EBF1: variants seen among roughly 807,000 people sequenced by gnomAD.
The protein encoded by EBF1 is transcription factor COE1.
Under a neutral mutation model 68.4 loss-of-function variants are expected in EBF1, and 10 were observed. That is an observed-to-expected ratio of 0.15 (90% CI 0.09 to 0.25). EBF1 has a LOEUF of 0.25. Ranked by LOEUF, EBF1 falls within the 10% of genes least tolerant of loss-of-function variation. The pLI is 1.00. For synonymous variants in EBF1, 298 were observed against 299.8 expected (o/e 0.99, Z 0.06); for missense variants, 509 against 794.4 (o/e 0.64, Z 4.32).
At chr5:159,031,264 G>C (rs946227653) in intron 6 of EBF1, among the ~76,000 whole-genome samples, 2 of 152,226 alleles carry the variant, frequency 1.3e-5, no homozygotes, top group Non-Finnish European at 2.9e-5. Context: ...ATTTGGAGCT[G>C]TCGGAATTTA....
At chr5:158,773,749 T>C (rs1581755322) in intron 10 of EBF1, among the ~76,000 whole-genome samples, 1 of 151,880 alleles carries the variant, frequency 6.6e-6, no homozygotes, top group South Asian at 2.1e-4. Flanking sequence ...TGCCTAAGAG[T>C]CTTTTATTAG....
At chr5:158,968,745 T>G (rs530262775) in intron 6 of EBF1, among the ~76,000 whole-genome samples, 1 of 152,292 alleles carries the variant, frequency 6.6e-6, no homozygotes, top group African/African-American at 2.4e-5. Flanking sequence ...ACTTCAAAAA[T>G]CATTTTTGAA....
At chr5:158,946,835 C>G (rs1814843839) in intron 6 of EBF1, among the ~76,000 whole-genome samples, 1 of 152,190 alleles carries the variant, frequency 6.6e-6, no homozygotes, top group Non-Finnish European at 1.5e-5. Context: ...GAAGTTTTAT[C>G]TATAAGCCCC....
At position 159,006,999 on chromosome 5, in the gene EBF1, G is replaced by A. The variant is rs553780744; in HGVS notation, c.554+66397C>T. On this transcript the variant is annotated intron_variant, in intron 6 of 15. Coordinates refer to ENST00000313708, the MANE Select transcript of EBF1 (RefSeq NM_024007.5). ...TAATGCAACACTTAACAAAGGCAAT[G>A]TCAGAAATGTACCGTTGGTGGGGGC... Among the ~76,000 whole-genome samples the A allele has an allele frequency of 3.3e-5, 5 of 152,322 alleles. No individual in the cohort carries two copies. In the South Asian group the frequency reaches 1.0e-3, roughly 32 times the overall value.
At chr5:158,965,682 G>A (rs1339040262) in intron 6 of EBF1, among the ~76,000 whole-genome samples, 2 of 152,192 alleles carry the variant, frequency 1.3e-5, no homozygotes, top group Admixed American at 1.3e-4. Flanking sequence ...TGACATAAAT[G>A]TTATAAAATG....
At chr5:158,960,878 G>A (rs1254507986) in intron 6 of EBF1, among the ~76,000 whole-genome samples, 19 of 152,192 alleles carry the variant, frequency 1.2e-4, no homozygotes, top group Non-Finnish European at 4.4e-5. Context: ...ATAGCCCTGT[G>A]AACGAACTAC....
chr5:158,999,603 G>C (rs1462810016), intron 6 of EBF1, among the ~76,000 whole-genome samples: 1 of 152,150 alleles, frequency 6.6e-6, no homozygotes, highest in Non-Finnish European at 1.5e-5. Context: ...ACAGAGAACT[G>C]ATCAGTGTGT....
At chr5:158,782,267 T>C (rs1776586453) in intron 9 of EBF1, among the ~76,000 whole-genome samples, 1 of 152,174 alleles carries the variant, frequency 6.6e-6, no homozygotes, top group African/African-American at 2.4e-5. Context: ...TAGCAGCCTA[T>C]TTTGCTTTGT....
chr5:158,896,825 T>C (rs1218901379), intron 6 of EBF1, among the ~76,000 whole-genome samples: 1 of 152,180 alleles, frequency 6.6e-6, no homozygotes, highest in Non-Finnish European at 1.5e-5. Flanking sequence ...TTTTGATATT[T>C]CATTTCTCTC....
intron 10 of EBF1, among the ~76,000 whole-genome samples, chr5:158,747,419 G>A (rs2127583484): frequency 6.6e-6 from 1 of 152,298 alleles, no homozygotes; most frequent in Middle Eastern, 3.4e-3. Flanking sequence ...GAAATGAAAT[G>A]TGATTGAATT....
intron 6 of EBF1, among the ~76,000 whole-genome samples, chr5:159,040,188 G>A (rs1041308059): frequency 5.3e-5 from 8 of 152,098 alleles, no homozygotes; most frequent in Admixed American, 1.3e-4. Flanking sequence ...GGAAAGTGCC[G>A]CACACCAGCA....
At chr5:158,756,764 C>A (rs1415598986) in intron 10 of EBF1, among the ~76,000 whole-genome samples, 1 of 151,438 alleles carries the variant, frequency 6.6e-6, no homozygotes, top group African/African-American at 2.4e-5. Flanking sequence ...ATGAAGAGGG[C>A]AAATTCAAAC....
At chr5:158,864,523 T>C (rs565281560) in intron 6 of EBF1, among the ~76,000 whole-genome samples, 6 of 152,254 alleles carry the variant, frequency 3.9e-5, no homozygotes, top group African/African-American at 1.4e-4. Context: ...GTTCTATGCC[T>C]GTTCTGGTTG....
intron 6 of EBF1, among the ~76,000 whole-genome samples, chr5:158,880,516 A>G (rs1450805848): frequency 6.6e-6 from 1 of 152,178 alleles, no homozygotes; most frequent in African/African-American, 2.4e-5. Context: ...CACTAAACAT[A>G]TGTACATATT....
intron 6 of EBF1, chr5:158,984,864 T>C (rs976329346): frequency 2.0e-5 from 3 of 151,966 alleles, no homozygotes; most frequent in Admixed American, 1.3e-4. Context: ...TTTGTATTTT[T>C]AGTAGAGATG....
chr5:158,853,633 G>A (rs1793408991), intron 6 of EBF1, among the ~76,000 whole-genome samples: 1 of 152,098 alleles, frequency 6.6e-6, no homozygotes. Context: ...TGGAGAAGGA[G>A]GTGTGCTGAG....
chr5:158,770,776 T>C (rs966304386), intron 10 of EBF1, among the ~76,000 whole-genome samples: 1 of 152,120 alleles, frequency 6.6e-6, no homozygotes, highest in Non-Finnish European at 1.5e-5. Context: ...GCTTGTGCAA[T>C]TTTTCCTGTA....
intron 6 of EBF1, among the ~76,000 whole-genome samples, chr5:158,859,681 C>T (rs1216813590): frequency 6.6e-6 from 1 of 152,136 alleles, no homozygotes; most frequent in Admixed American, 6.5e-5. Flanking sequence ...GGAAGTTGGC[C>T]ACTTCCCACC....
chr5:159,057,286 T>C (rs929179661), intron 6 of EBF1, among the ~76,000 whole-genome samples: 3 of 152,238 alleles, frequency 2.0e-5, no homozygotes, highest in South Asian at 2.1e-4. Flanking sequence ...TTTGTATTTT[T>C]AGTAGAGACG....
Sources: gnomAD v4.1 joint callset for allele counts (sites outside exome capture counted in the v4.1 genomes callset) on GRCh38, gnomAD v4.1.1 for gene constraint, MANE v1.5 for transcripts, NCBI Gene and HGNC (gene_info 2026-07-23, HGNC 2026-07-21) for gene names.